Variants in TMEM132C observed in about 807,000 individuals in gnomAD.
TMEM132C encodes transmembrane protein 132C.
In TMEM132C, 29 loss-of-function variants were observed where a neutral mutation model predicts 61.4. The observed-to-expected ratio is 0.47, with a 90% CI of 0.35 to 0.64. TMEM132C has a LOEUF of 0.64. Among genes scored for constraint, TMEM132C ranks in the 30% least tolerant of loss-of-function variants. TMEM132C has a pLI of 0.00. For missense variants in TMEM132C, 1,408 were observed against 1,476.9 expected (o/e 0.95, Z 0.76); for synonymous variants, 656 against 633.1 (o/e 1.04, Z -0.54).
intron 1 of TMEM132C, among the ~76,000 whole-genome samples, chr12:128,298,329 T>G (rs549906751): frequency 6.6e-6 from 1 of 152,350 alleles, no homozygotes; most frequent in East Asian, 1.9e-4. Context: ...TTGAATGTGT[T>G]CCTTCCGAAA....
At chr12:128,387,971 C>T (rs182988655) in intron 1 of TMEM132C, among the ~76,000 whole-genome samples, 2 of 152,358 alleles carry the variant, frequency 1.3e-5, no homozygotes, top group East Asian at 3.9e-4. Flanking sequence ...GTGCCCTTCC[C>T]CGCCCTCTGG....
intron 2 of TMEM132C, among the ~76,000 whole-genome samples, chr12:128,534,407 A>G (rs1593089779): frequency 6.6e-6 from 1 of 152,218 alleles, no homozygotes; most frequent in Non-Finnish European, 1.5e-5. Context: ...TCCATGCTAC[A>G]TGGGAAATCA....
At chr12:128,362,633 A>G (rs190286983) in intron 1 of TMEM132C, among the ~76,000 whole-genome samples, 2 of 152,324 alleles carry the variant, frequency 1.3e-5, no homozygotes, top group African/African-American at 4.8e-5. Context: ...GAACATCCCA[A>G]TGTGAAAATC....
intron 4 of TMEM132C, among the ~76,000 whole-genome samples, chr12:128,625,545 C>T (rs776566314): frequency 9.8e-5 from 15 of 152,304 alleles, no homozygotes; most frequent in East Asian, 3.9e-4. Context: ...GAGCAAGTCA[C>T]ATCTTACATG....
At chr12:128,339,136 GCTGGGGGTTCCCTCCTTCAAAGCA>G (rs1872877665) in intron 1 of TMEM132C, among the ~76,000 whole-genome samples, 1 of 152,048 alleles carries the variant, frequency 6.6e-6, no homozygotes, top group African/African-American at 2.4e-5. Context: ...TGTGTTGGGG[GCTGGGGGTTCCCTCCTTCAAAGCA>G]CTGGAGGTCA....
intron 1 of TMEM132C, among the ~76,000 whole-genome samples, chr12:128,347,033 AG>A (rs1454178143): frequency 6.6e-6 from 1 of 152,208 alleles, no homozygotes; most frequent in African/African-American, 2.4e-5. Context: ...TCACCCGAGC[AG>A]TGTATACTGT....
chr12:128,414,047 T>C (rs1565928864), intron 1 of TMEM132C, among the ~76,000 whole-genome samples: 1 of 152,014 alleles, frequency 6.6e-6, no homozygotes, highest in Non-Finnish European at 1.5e-5. Context: ...GTGGATCTAC[T>C]TTTTTCTTAA....
chr12:128,315,471 C>T (rs1872122901), intron 1 of TMEM132C, among the ~76,000 whole-genome samples: 2 of 152,030 alleles, frequency 1.3e-5, no homozygotes, highest in Admixed American at 6.6e-5. Context: ...ATGAGATTTG[C>T]TGCCAGTCCT....
At chr12:128,624,653 A>T (rs942276370) in intron 4 of TMEM132C, among the ~76,000 whole-genome samples, 2 of 152,020 alleles carry the variant, frequency 1.3e-5, no homozygotes, top group African/African-American at 4.8e-5. Flanking sequence ...GTAAGTCTTC[A>T]GGAAATGCTA....
intron 3 of TMEM132C, among the ~76,000 whole-genome samples, chr12:128,554,080 C>T (rs116804965): frequency 3.2e-4 from 48 of 152,356 alleles, no homozygotes; most frequent in African/African-American, 1.1e-3. Flanking sequence ...AAGGGATGCA[C>T]GTTGCCTTTT....
At chr12:128,539,434 G>A (rs566363363) in intron 2 of TMEM132C, among the ~76,000 whole-genome samples, 1 of 152,166 alleles carries the variant, frequency 6.6e-6, no homozygotes, top group Non-Finnish European at 1.5e-5. Flanking sequence ...GACTAACACG[G>A]TGAAACCCTG....
chr12:128,527,428 T>C (rs1195827413), intron 2 of TMEM132C, among the ~76,000 whole-genome samples: 2 of 152,170 alleles, frequency 1.3e-5, no homozygotes, highest in South Asian at 2.1e-4. Context: ...TCATCAAGTA[T>C]TGATAGGGCA....
At chr12:128,346,433 T>C (rs1873162286) in intron 1 of TMEM132C, among the ~76,000 whole-genome samples, 1 of 152,212 alleles carries the variant, frequency 6.6e-6, no homozygotes, top group African/African-American at 2.4e-5. Context: ...TTTTTCTAGT[T>C]CTGTGAAGTA....
At chr12:128,478,077 A>AT (rs942896367) in intron 2 of TMEM132C, among the ~76,000 whole-genome samples, 2 of 152,290 alleles carry the variant, frequency 1.3e-5, no homozygotes, top group Admixed American at 6.5e-5. Flanking sequence ...ATGAGTAGTT[A>AT]TTTTTAAAGT....
At chr12:128,516,079 G>A (rs952303664) in intron 2 of TMEM132C, among the ~76,000 whole-genome samples, 1 of 152,150 alleles carries the variant, frequency 6.6e-6, no homozygotes, top group Non-Finnish European at 1.5e-5. Context: ...GAACCTGGAC[G>A]ACAGAACGAG....
At chr12:128,634,703 C>T (rs545034453) in intron 4 of TMEM132C, among the ~76,000 whole-genome samples, 2 of 152,308 alleles carry the variant, frequency 1.3e-5, no homozygotes, top group South Asian at 4.1e-4. Flanking sequence ...CTGAGTAAAA[C>T]CCACTTTCCT....
At chr12:128,273,528 A>G (rs887203205) in intron 1 of TMEM132C, among the ~76,000 whole-genome samples, 1 of 152,098 alleles carries the variant, frequency 6.6e-6, no homozygotes, top group Admixed American at 6.6e-5. Context: ...TGTTTAGACC[A>G]CTTATATTTA....
intron 1 of TMEM132C, among the ~76,000 whole-genome samples, chr12:128,404,228 A>T (rs1363360022): frequency 2.6e-5 from 4 of 152,184 alleles, no homozygotes; most frequent in African/African-American, 9.7e-5. Flanking sequence ...TATCCAATTC[A>T]AGAGGGAAGC....
Position 128,705,850 on chromosome 12 carries a change from G to C in TMEM132C, c.2882G>C (p.Gly961Ala). Residue 961 changes from glycine (G) to alanine (A), a missense_variant, in exon 9 of 9, where the codon GGT (glycine) becomes GCT (alanine). Coordinates refer to ENST00000435159, the MANE Select transcript of TMEM132C (RefSeq NM_001136103.3). ...AGGCACAAGCAAGTGCCCCTGGAAGGTCAGGCCTCCATGACCCACTCTCAC... is the reference window on the plus strand; with the variant it reads ...AGGCACAAGCAAGTGCCCCTGGAAGCTCAGGCCTCCATGACCCACTCTCAC... The part of the protein sequence containing the change: ...KYRHKQVPLE[G>A]QASMTHSHDW... The C allele has an allele frequency of 6.4e-7, 1 of 1,551,636 alleles. No homozygotes were observed. Among genetic ancestry groups the C allele is most frequent in the Non-Finnish European group, 8.7e-7 (1 of 1,147,050 alleles).
Sources: allele counts gnomAD v4.1 joint callset (sites outside exome capture counted in the v4.1 genomes callset), GRCh38; gene constraint gnomAD v4.1.1; transcripts MANE v1.5; gene names NCBI Gene and HGNC (gene_info 2026-07-23, HGNC 2026-07-21).